RBMS3: variants seen among roughly 807,000 people sequenced by gnomAD.
RBMS3 encodes RNA binding motif single stranded interacting protein 3, also known as RNA-binding motif, single-stranded-interacting protein 3.
In RBMS3, 27 loss-of-function variants were observed where a neutral mutation model predicts 66.8. The ratio of observed to expected loss-of-function variants is 0.40; its 90% confidence interval spans 0.30 to 0.56. The LOEUF (loss-of-function observed/expected upper bound fraction) is 0.56. Ranked by LOEUF, RBMS3 falls within the 20% of genes least tolerant of loss-of-function variation. The probability of loss-of-function intolerance (pLI) is 0.40; values close to 1 mark genes in which losing one functional copy is unlikely to be tolerated. For synonymous variants in RBMS3, 188 were observed against 183.0 expected (o/e 1.03, Z -0.22); for missense variants, 513 against 549.5 (o/e 0.93, Z 0.66).
At chr3:29,817,502 G>A (rs1235676603) in intron 6 of RBMS3, among the ~76,000 whole-genome samples, 1 of 152,070 alleles carries the variant, frequency 6.6e-6, no homozygotes. Context: ...ACTGCACACA[G>A]CCACATTTCC....
At chr3:29,881,001 G>A (rs374940517) in intron 7 of RBMS3, among the ~76,000 whole-genome samples, 24 of 146,760 alleles carry the variant, frequency 1.6e-4, no homozygotes, top group African/African-American at 2.8e-4. Context: ...TAATGTCCCC[G>A]CTCTGAAATA....
intron 4 of RBMS3, among the ~76,000 whole-genome samples, chr3:29,733,962 T>C (rs1177470252): frequency 6.6e-6 from 1 of 152,138 alleles, no homozygotes; most frequent in African/African-American, 2.4e-5. Flanking sequence ...AGTTTCATTA[T>C]TCTGTATGTG....
chr3:29,339,134 A>G (rs969823633), intron 1 of RBMS3, among the ~76,000 whole-genome samples: 3 of 152,164 alleles, frequency 2.0e-5, no homozygotes, highest in African/African-American at 7.2e-5. Context: ...GAGTTAGTAG[A>G]GGAAGCCTGA....
intron 6 of RBMS3, among the ~76,000 whole-genome samples, chr3:29,798,850 G>T (rs1187535208): frequency 6.6e-6 from 1 of 150,996 alleles, no homozygotes; most frequent in African/African-American, 2.4e-5. Flanking sequence ...TTTAATTCAT[G>T]CATCATTTGG....
chr3:29,985,077 C>A (rs890579432), intron 12 of RBMS3, among the ~76,000 whole-genome samples: 1 of 152,218 alleles, frequency 6.6e-6, no homozygotes, highest in African/African-American at 2.4e-5. Flanking sequence ...TGCTGCCTTT[C>A]TTTCAGAGAT....
At chr3:29,927,722 T>A (rs1016925985) in intron 10 of RBMS3, among the ~76,000 whole-genome samples, 1 of 152,152 alleles carries the variant, frequency 6.6e-6, no homozygotes, top group African/African-American at 2.4e-5. Flanking sequence ...AAAGAGAGGC[T>A]TCATGTGCAT....
chr3:29,358,170 T>C (rs914613327), intron 1 of RBMS3, among the ~76,000 whole-genome samples: 6 of 152,210 alleles, frequency 3.9e-5, no homozygotes, highest in South Asian at 4.1e-4. Context: ...AGAGATTTTA[T>C]GGTTTTAGGT....
At chr3:29,447,171 C>T (rs1006179038) in intron 2 of RBMS3, among the ~76,000 whole-genome samples, 1 of 152,134 alleles carries the variant, frequency 6.6e-6, no homozygotes, top group Admixed American at 6.5e-5. Flanking sequence ...CCTCAGCCCC[C>T]CAAAGTGCTG....
At chr3:29,935,220 G>T (rs2061235742) in intron 10 of RBMS3, among the ~76,000 whole-genome samples, 1 of 152,068 alleles carries the variant, frequency 6.6e-6, no homozygotes, top group Non-Finnish European at 1.5e-5. Context: ...TAGAGAAAGA[G>T]AAATGGAAGG....
intron 12 of RBMS3, among the ~76,000 whole-genome samples, chr3:29,966,780 G>A (rs1478660365): frequency 6.6e-6 from 1 of 152,138 alleles, no homozygotes; most frequent in Non-Finnish European, 1.5e-5. Flanking sequence ...AGTTCTCAGA[G>A]GGAATGCTTT....
chr3:29,713,858 C>T (rs1354549147), intron 4 of RBMS3, among the ~76,000 whole-genome samples: 1 of 151,988 alleles, frequency 6.6e-6, no homozygotes, highest in Non-Finnish European at 1.5e-5. Flanking sequence ...AGTTCAAGAC[C>T]AGCCTGGGCA....
At chr3:29,803,433 A>G (rs1237593721) in intron 6 of RBMS3, among the ~76,000 whole-genome samples, 6 of 152,136 alleles carry the variant, frequency 3.9e-5, no homozygotes, top group African/African-American at 1.4e-4. Context: ...CATCCCCATC[A>G]CAGCATAATA....
chr3:29,411,721 A>G (rs2040274740), intron 1 of RBMS3, among the ~76,000 whole-genome samples: 1 of 152,226 alleles, frequency 6.6e-6, no homozygotes, highest in African/African-American at 2.4e-5. Context: ...TTCAGTGTGC[A>G]AATAATTTTC....
chr3:29,328,789 G>T (rs73054459), intron 1 of RBMS3, among the ~76,000 whole-genome samples: 6 of 152,042 alleles, frequency 3.9e-5, no homozygotes, highest in Non-Finnish European at 7.4e-5. Context: ...ATTTGTTTAC[G>T]TGTTTATTTT....
At chr3:29,639,460 C>T (rs2049605909) in intron 4 of RBMS3, among the ~76,000 whole-genome samples, 1 of 151,820 alleles carries the variant, frequency 6.6e-6, no homozygotes, top group Non-Finnish European at 1.5e-5. Context: ...ACTAATACAT[C>T]TGTAAGGTTG....
intron 1 of RBMS3, among the ~76,000 whole-genome samples, chr3:29,330,721 C>T (rs1183393505): frequency 6.6e-5 from 10 of 152,148 alleles, no homozygotes; most frequent in Non-Finnish European, 8.8e-5. Context: ...CCTCCCTGCT[C>T]ACCCTGTGAA....
At chr3:29,768,318 C>T (rs1004518877) in intron 6 of RBMS3, among the ~76,000 whole-genome samples, 3 of 151,874 alleles carry the variant, frequency 2.0e-5, no homozygotes, top group African/African-American at 4.8e-5. Context: ...CAGTTTTCAA[C>T]CTTTCTATGG....
chr3:29,463,935 C>T (rs1409783355), intron 2 of RBMS3, among the ~76,000 whole-genome samples: 1 of 152,122 alleles, frequency 6.6e-6, no homozygotes, highest in Non-Finnish European at 1.5e-5. Context: ...TTCCATTGTA[C>T]ATATGAAGAT....
At chr3:29,943,845 T>C (rs1277191614) in intron 11 of RBMS3, among the ~76,000 whole-genome samples, 2 of 151,764 alleles carry the variant, frequency 1.3e-5, no homozygotes, top group African/African-American at 4.8e-5. Flanking sequence ...TTTCGTATCA[T>C]GCTCTGGGCC....
Sources: gnomAD v4.1 joint callset for allele counts (sites outside exome capture counted in the v4.1 genomes callset) on GRCh38, gnomAD v4.1.1 for gene constraint, MANE v1.5 for transcripts, NCBI Gene and HGNC (gene_info 2026-07-23, HGNC 2026-07-21) for gene names.